The following SCARB2 variants were observed in gnomAD, a reference collection of about 807,000 sequenced individuals.
The protein encoded by SCARB2 is scavenger receptor class B member 2.
SCARB2 carries 29 observed loss-of-function variants against 58.6 expected under a neutral mutation model. The ratio of observed to expected loss-of-function variants is 0.49; its 90% CI spans 0.37 to 0.67. The LOEUF (loss-of-function observed/expected upper bound fraction) is 0.67, where lower values mean the gene tolerates loss of function less well. Ranked by LOEUF, SCARB2 falls within the 30% of genes least tolerant of loss-of-function variation. The probability of loss-of-function intolerance (pLI) is 0.00; values close to 1 mark genes in which losing one functional copy is unlikely to be tolerated. For missense variants in SCARB2, 488 were observed against 578.5 expected (o/e 0.84, Z 1.60); for synonymous variants, 195 against 210.1 (o/e 0.93, Z 0.62).
At chr4:76,163,108 G>T in intron 11 of SCARB2, 117 bp downstream of exon 11, 1 of 1,319,514 alleles carries the variant, frequency 7.6e-7, no homozygotes, top group Non-Finnish European at 1.1e-6. Context: ...ACTATGCCCA[G>T]CATAAAATCC....
At chr4:76,166,569 G>T in intron 9 of SCARB2, 1 of 537,340 alleles carries the variant, frequency 1.9e-6, no homozygotes, top group Admixed American at 3.1e-5. Flanking sequence ...AGAGTCATCA[G>T]GGAAGGCTCC....
intron 11 of SCARB2, chr4:76,162,487 C>CCTG (rs1278596440): frequency 6.5e-6 from 1 of 153,016 alleles, no homozygotes. Context: ...TATTCAGGTT[C>CCTG]CTGGCTGGGC....
intron 6 of SCARB2, 102 bp downstream of exon 6, chr4:76,175,689 T>C (rs1198191134): frequency 1.5e-6 from 2 of 1,356,580 alleles, no homozygotes; most frequent in Non-Finnish European, 2.1e-6. Flanking sequence ...TGCATAAATA[T>C]CCATGCATAA....
chr4:76,217,427 G>A (rs954785956), upstream of SCARB2, among the ~76,000 whole-genome samples: 4 of 152,188 alleles, frequency 2.6e-5, no homozygotes, highest in African/African-American at 9.7e-5. Context: ...CCTGAGGAGA[G>A]ATTGTTCATG....
At chr4:76,229,153 A>G (rs1578753378) in intron 1 of SCARB2, among the ~76,000 whole-genome samples, 1 of 152,052 alleles carries the variant, frequency 6.6e-6, no homozygotes, top group South Asian at 2.1e-4. Context: ...TGTGCACTTT[A>G]TATTTTTCTA....
chr4:76,195,415 A>G, intron 2 of SCARB2: 1 of 321,866 alleles, frequency 3.1e-6, no homozygotes. Flanking sequence ...CAACCTTAAA[A>G]GGGTCAGGGT....
chr4:76,221,441 C>G (rs1309174407), intron 1 of SCARB2, among the ~76,000 whole-genome samples: 1 of 152,128 alleles, frequency 6.6e-6, no homozygotes, highest in African/African-American at 2.4e-5. Flanking sequence ...GCCTCAGCCT[C>G]CCGAGTAGCT....
chr4:76,186,513 C>T (rs893866707), intron 2 of SCARB2, among the ~76,000 whole-genome samples: 7 of 152,014 alleles, frequency 4.6e-5, no homozygotes, highest in South Asian at 4.2e-4. Context: ...ACTTTGAGTA[C>T]GCTGCCCGCT....
At chr4:76,228,823 T>C (rs1052728633) in intron 1 of SCARB2, among the ~76,000 whole-genome samples, 1 of 152,222 alleles carries the variant, frequency 6.6e-6, no homozygotes, top group Non-Finnish European at 1.5e-5. Flanking sequence ...GATGACTATG[T>C]GCCCAGGTAA....
At chr4:76,208,142 G>T (rs1252324788) in intron 1 of SCARB2, among the ~76,000 whole-genome samples, 1 of 152,186 alleles carries the variant, frequency 6.6e-6, no homozygotes, top group African/African-American at 2.4e-5. Context: ...CTGGGATGGG[G>T]TCTGGTATTT....
chr4:76,177,715 T>C (rs1200952113), intron 4 of SCARB2, among the ~76,000 whole-genome samples: 1 of 152,206 alleles, frequency 6.6e-6, no homozygotes, highest in Non-Finnish European at 1.5e-5. Context: ...GGAACACTGA[T>C]ACATGCTACA....
chr4:76,224,715 A>T (rs1733365180), intron 1 of SCARB2, among the ~76,000 whole-genome samples: 1 of 152,124 alleles, frequency 6.6e-6, no homozygotes, highest in South Asian at 2.1e-4. Flanking sequence ...GATGCAAGCC[A>T]CTAGGCCCAG....
At chr4:76,176,034 G>A (rs1732245378) in intron 5 of SCARB2, 124 bp from the exon 6 acceptor site, 1 of 1,195,466 alleles carries the variant, frequency 8.4e-7, no homozygotes, top group East Asian at 2.4e-5. Flanking sequence ...TTCATACACA[G>A]ACACAACAGT....
intron 1 of SCARB2, among the ~76,000 whole-genome samples, chr4:76,231,919 T>C (rs1470857137): frequency 6.6e-6 from 1 of 152,202 alleles, no homozygotes; most frequent in Non-Finnish European, 1.5e-5. Flanking sequence ...GATTGACTCC[T>C]TAAAGGAAAG....
rs760926366 is a variant in SCARB2 at position 76,161,182 on chromosome 4, A to G, written c.*531T>C. 70 of 160,936 alleles carry G rather than the reference A, an allele frequency of 4.3e-4. 1 individual carries two copies. The highest frequency in any genetic ancestry group is 1.7e-4 in the Non-Finnish European group (12 of 72,546). The allele number at this position is 160,936 out of a possible 1,614,324, so 10.0% of individuals were successfully genotyped here. A position where few individuals can be genotyped will look rare whatever the true frequency, so the allele number is the denominator to read the frequency against. On this transcript the variant is annotated 3_prime_UTR_variant, in exon 12 of 12. Transcript: ENST00000264896. Reference sequence around the variant, plus strand: ...GAACTGAAGATCAGCATAAAATGTAATATGTTTTAGAAATCAGATGCATTT... The same window carrying G: ...GAACTGAAGATCAGCATAAAATGTAGTATGTTTTAGAAATCAGATGCATTT...
In SCARB2 at chr4:76,175,894, T is replaced by C; in HGVS notation, c.721A>G (p.Ile241Val). ...TTAATCATATTGCACTTGTCTGTTA[T>C]CCACCAGTCAAGTGACCTATAATTG... ...WNGKTSLDWW[I>V]TDKCNMINGT... is the part of the protein sequence containing the mutation. Residue 241 changes from isoleucine (I) to valine (V), a missense_variant, in exon 6 of 12, where the codon ATA (isoleucine) becomes GTA (valine). Coordinates refer to ENST00000264896, the MANE Select transcript of SCARB2 (RefSeq NM_005506.4). 2 of 1,613,874 alleles carry C rather than the reference T, an allele frequency of 1.2e-6. No homozygotes were observed. The highest frequency in any genetic ancestry group is 1.7e-6 in the Non-Finnish European group (2 of 1,179,942).
Position 76,195,694 on chromosome 4 carries a change from G to A in SCARB2, c.275+13C>T. On this transcript the variant is annotated intron_variant, in intron 2 of 11. Transcript: ENST00000264896. ...CTGTATTTCTTTCAAGACAGGAGGTGGTCAAGACTTACCTGTAGGTGTATG... is the reference window on the plus strand; with the variant it reads ...CTGTATTTCTTTCAAGACAGGAGGTAGTCAAGACTTACCTGTAGGTGTATG... The A allele has an allele frequency of 6.2e-7, 1 of 1,612,134 alleles. No individual in the cohort carries two copies. Among genetic ancestry groups the A allele is most frequent in the Non-Finnish European group, 8.5e-7 (1 of 1,178,426 alleles).
intron 1 of SCARB2, among the ~76,000 whole-genome samples, chr4:76,198,841 A>AGT (rs10545527): frequency 0.083 from 11,714 of 140,970 alleles, 470 homozygotes; most frequent in Middle Eastern, 0.12. Context: ...AGAGTGAGTG[A>AGT]GTGTGTGTGT....
chr4:76,211,053 C>T (rs1455474895), intron 1 of SCARB2, among the ~76,000 whole-genome samples: 1 of 152,184 alleles, frequency 6.6e-6, no homozygotes, highest in Non-Finnish European at 1.5e-5. Flanking sequence ...ATGACTGCCA[C>T]ATATTGATTA....
Sources: gnomAD v4.1 joint callset for allele counts (sites outside exome capture counted in the v4.1 genomes callset) on GRCh38, gnomAD v4.1.1 for gene constraint, MANE v1.5 for transcripts, NCBI Gene and HGNC (gene_info 2026-07-23, HGNC 2026-07-21) for gene names.